The following OVOL2 variants were observed in gnomAD, a reference collection of about 807,000 sequenced individuals.
OVOL2 encodes the protein ovo like zinc finger 2.
A neutral mutation model predicts 18.1 loss-of-function variants in OVOL2; 13 were observed. The ratio of observed to expected loss-of-function variants is 0.72; its 90% CI spans 0.47 to 1.14. The LOEUF (loss-of-function observed/expected upper bound fraction) is 1.14, where lower values mean the gene tolerates loss of function less well. Ranked by LOEUF, OVOL2 falls within the 50% of genes most tolerant of loss-of-function variation. The probability of loss-of-function intolerance (pLI) is 0.00; values close to 1 mark genes in which losing one functional copy is unlikely to be tolerated. For missense variants in OVOL2, 335 were observed against 383.0 expected (o/e 0.87, Z 1.05); for synonymous variants, 166 against 162.7 (o/e 1.02, Z -0.16).
rs2036494165 is a variant in OVOL2, at chr20:18,024,710, C to T, written c.754G>A (p.Ala252Thr). Reference protein sequence around the residue: ...FLKKTSKKLAALLQGKLTSAH... With the variant: ...FLKKTSKKLATLLQGKLTSAH... Reference sequence around the variant, plus strand: ...GATGTCAGCTTGCCCTGCAGAAGGGCTGCCAGTTTTTTAGATGTCTTTTTG... The same window carrying T: ...GATGTCAGCTTGCCCTGCAGAAGGGTTGCCAGTTTTTTAGATGTCTTTTTG... The change falls in exon 4 of 4, where the codon GCC becomes ACC. Residue 252 changes from alanine (A) to threonine (T), a missense_variant. Transcript: ENST00000278780. 3 of 1,614,136 alleles carry T rather than the reference C, an allele frequency of 1.9e-6. No individual in the cohort carries two copies. Among genetic ancestry groups the T allele is most frequent in the Non-Finnish European group, 2.5e-6 (3 of 1,180,036 alleles).
chr20:18,025,040 G>A, intron 3 of OVOL2, 88 bp from the exon 4 acceptor site: 1 of 1,309,202 alleles, frequency 7.6e-7, no homozygotes, highest in Non-Finnish European at 1.1e-6. Context: ...GTCATGCCAT[G>A]ACCAAGGATT....
At chr20:18,046,934 C>T (rs1430997845) in intron 2 of OVOL2, among the ~76,000 whole-genome samples, 1 of 149,778 alleles carries the variant, frequency 6.7e-6, no homozygotes, top group Non-Finnish European at 1.5e-5. Context: ...GACAATAAAT[C>T]TGAAGGATCA....
intron 3 of OVOL2, among the ~76,000 whole-genome samples, chr20:18,032,357 AGAAAAAAG>A (rs2036578911): frequency 7.0e-6 from 1 of 143,492 alleles, no homozygotes; most frequent in African/African-American, 2.9e-5. Context: ...AGAAAAGAAA[AGAAAAAAG>A]AAGGAAGGGA....
At position 18,056,138 on chromosome 20, in the gene OVOL2, C is replaced by T. The variant is rs188709301; in HGVS notation, c.321+519G>A. ...CTCCTGTCTGACAGACACTGGGAAC[C>T]GGTTCATGTTGGGAGAGGCCCACTA... On this transcript the variant is annotated intron_variant, in intron 2 of 3. Coordinates refer to ENST00000278780, the MANE Select transcript of OVOL2 (RefSeq NM_021220.4). The surrounding 1 kb of genome is among the most constrained non-coding windows in gnomAD (Gnocchi z 4.2). Among the ~76,000 whole-genome samples, 1 of 152,206 alleles carries T rather than the reference C, an allele frequency of 6.6e-6. No individual in the cohort carries two copies. The highest frequency in any genetic ancestry group is 1.5e-5 in the Non-Finnish European group (1 of 68,030).
intron 2 of OVOL2, among the ~76,000 whole-genome samples, chr20:18,047,853 C>CA (rs34668253): frequency 0.32 from 15,228 of 47,000 alleles, 3,388 homozygotes; most frequent in Non-Finnish European, 0.35. Context: ...GACTCCGTCT[C>CA]AAAAAAAAAA....
rs76528679 is a variant in OVOL2, at chr20:18,025,967, G to A, written c.512-1015C>T. 8.0e-3 allele frequency among the ~76,000 whole-genome samples: 1,222 copies of A among 152,378 alleles called. 17 individuals carry two copies. The highest frequency in any genetic ancestry group is 0.028 in the African/African-American group (1,159 of 41,590). On this transcript the variant is annotated intron_variant, in intron 3 of 3. Coordinates refer to ENST00000278780, the MANE Select transcript of OVOL2 (RefSeq NM_021220.4). Reference sequence around the variant, plus strand: ...GTGGACAGTTGCCACTTGGACAGGTGTGCCCAGAAATGGCAGATGCCCAGG... The same window carrying A: ...GTGGACAGTTGCCACTTGGACAGGTATGCCCAGAAATGGCAGATGCCCAGG...
Position 18,039,936 on chromosome 20 carries a change from T to C in OVOL2, c.511+1598A>G, listed in dbSNP as rs376767263. Among the ~76,000 whole-genome samples, 96 of 152,146 alleles carry C rather than the reference T, an allele frequency of 6.3e-4. 1 individual carries two copies. The highest frequency in any genetic ancestry group is 2.1e-3 in the African/African-American group (87 of 41,524). On this transcript the variant is annotated intron_variant, in intron 3 of 3. Transcript: ENST00000278780. ...CTATAGATAGCAAACCCTTTTTTTT[T>C]CCCCTTGAGACCGGGTCTTGCTCTC...
At chr20:18,029,491 T>C (rs1016871014) in intron 3 of OVOL2, among the ~76,000 whole-genome samples, 3 of 152,302 alleles carry the variant, frequency 2.0e-5, no homozygotes, top group South Asian at 2.1e-4. Context: ...CGGATGTACA[T>C]GTTTCCGAAA....
chr20:18,024,371 G>T lies in OVOL2; in HGVS notation c.*265C>A. 2.1e-6 allele frequency: 1 copy of T among 467,616 alleles called. No individual in the cohort carries two copies. Among genetic ancestry groups the T allele is most frequent in the Non-Finnish European group, 3.4e-6 (1 of 292,946 alleles). The allele number at this position is 467,616 out of a possible 1,614,324, so 29.0% of individuals were successfully genotyped here. On this transcript the variant is annotated 3_prime_UTR_variant, in exon 4 of 4. Coordinates refer to ENST00000278780, the MANE Select transcript of OVOL2 (RefSeq NM_021220.4). ...CTTGGGGGAAAAAAAAATCCCACAC[G>T]GTGTTCTTGGCCATCAGGATCATGA... is the stretch of plus-strand genomic sequence containing the variant.
intron 2 of OVOL2, among the ~76,000 whole-genome samples, chr20:18,043,528 G>A (rs1482175328): frequency 6.6e-6 from 1 of 152,136 alleles, no homozygotes; most frequent in Non-Finnish European, 1.5e-5. Context: ...AAGCCTGATT[G>A]GACTCTCCAT....
At chr20:18,031,730 GGA>G (rs1194667176) in intron 3 of OVOL2, among the ~76,000 whole-genome samples, 4 of 152,242 alleles carry the variant, frequency 2.6e-5, no homozygotes, top group African/African-American at 9.6e-5. Flanking sequence ...GGCTGGTGGA[GGA>G]GAGGGGGGAC....
intron 2 of OVOL2, among the ~76,000 whole-genome samples, chr20:18,044,670 G>C (rs570432767): frequency 6.6e-6 from 1 of 152,292 alleles, no homozygotes; most frequent in Admixed American, 6.5e-5. Context: ...CGAGTCTAGT[G>C]GGGGTGCAGG....
chr20:18,051,034 GT>G (rs2036767262), intron 2 of OVOL2, among the ~76,000 whole-genome samples: 1 of 152,124 alleles, frequency 6.6e-6, no homozygotes, highest in African/African-American at 2.4e-5. Flanking sequence ...AAATGAATTG[GT>G]TTTTAAAAAC....
intron 2 of OVOL2, among the ~76,000 whole-genome samples, chr20:18,055,073 G>A (rs1178814501): frequency 2.0e-5 from 3 of 152,114 alleles, no homozygotes; most frequent in Non-Finnish European, 4.4e-5. Context: ...GTTCAGGAGT[G>A]AACTGTGCCT....
upstream of OVOL2, chr20:18,057,963 T>C (rs941133856): frequency 2.9e-6 from 3 of 1,017,394 alleles, no homozygotes; most frequent in African/African-American, 5.1e-5. The surrounding 1 kb of genome is among the most constrained non-coding windows in gnomAD (Gnocchi z 6.3). Flanking sequence ...ACAAGCTCGC[T>C]ACCTGTCCGA....
At chr20:18,054,525 C>G (rs540016250) in intron 2 of OVOL2, among the ~76,000 whole-genome samples, 2 of 152,028 alleles carry the variant, frequency 1.3e-5, no homozygotes, top group African/African-American at 4.8e-5. Context: ...GGCGGATCAC[C>G]TGAGGTCGGG....
intron 3 of OVOL2, among the ~76,000 whole-genome samples, chr20:18,026,629 C>G (rs944834136): frequency 1.5e-4 from 23 of 152,168 alleles, no homozygotes; most frequent in African/African-American, 5.5e-4. Context: ...GATCTGCCCC[C>G]CTCGGCCTCC....
intron 3 of OVOL2, among the ~76,000 whole-genome samples, chr20:18,033,901 C>A (rs981674882): frequency 1.3e-5 from 2 of 152,102 alleles, no homozygotes; most frequent in African/African-American, 4.8e-5. Context: ...TAAATAAATC[C>A]GAAAGAATGT....
chr20:18,024,501 G>A lies in OVOL2; in HGVS notation c.*135C>T. On this transcript the variant is annotated 3_prime_UTR_variant, in exon 4 of 4. Transcript: ENST00000278780. Reference sequence around the variant, plus strand: ...CAATCTTGGAATGGACCCTACTGCTGATGTTTCAAAAGGACACAGAGGTGA... The same window carrying A: ...CAATCTTGGAATGGACCCTACTGCTAATGTTTCAAAAGGACACAGAGGTGA... 2.1e-6 allele frequency: 3 copies of A among 1,434,776 alleles called. No homozygotes were observed. The highest frequency in any genetic ancestry group is 2.7e-6 in the Non-Finnish European group (3 of 1,091,844). 88.9% of individuals were successfully genotyped at this position (1,434,776 alleles called of 1,614,324 possible).
Sources: allele counts gnomAD v4.1 joint callset (sites outside exome capture counted in the v4.1 genomes callset), GRCh38; gene constraint gnomAD v4.1.1; non-coding constraint Gnocchi (gnomAD v3.1); transcripts MANE v1.5; gene names NCBI Gene and HGNC (gene_info 2026-07-23, HGNC 2026-07-21).